Variants in GGNBP2 observed in about 807,000 individuals in gnomAD.
The protein encoded by GGNBP2 is gametogenetin-binding protein 2.
Under a neutral mutation model 85.9 loss-of-function variants are expected in GGNBP2, and 10 were observed. The ratio of observed to expected loss-of-function variants is 0.12; its 90% CI spans 0.07 to 0.20. The LOEUF (loss-of-function observed/expected upper bound fraction) is 0.20. Ranked by LOEUF, GGNBP2 falls within the 10% of genes least tolerant of loss-of-function variation. The probability of loss-of-function intolerance (pLI) is 1.00; values close to 1 mark genes in which losing one functional copy is unlikely to be tolerated. For missense variants in GGNBP2, 595 were observed against 857.8 expected (o/e 0.69, Z 3.83); for synonymous variants, 287 against 285.7 (o/e 1.00, Z -0.05).
chr17:36,576,629 G>GTGTGTGTGTGTGTA (rs1203227585), intron 6 of GGNBP2: 57 of 111,056 alleles, frequency 5.1e-4, no homozygotes, highest in African/African-American at 2.1e-3. Context: ...GTGTGTGTGT[G>GTGTGTGTGTGTGTA]TATATGTATA....
chr17:36,553,341 T>C (rs1294532438), intron 2 of GGNBP2, among the ~76,000 whole-genome samples: 1 of 152,228 alleles, frequency 6.6e-6, no homozygotes. Flanking sequence ...TTTGTCTCTG[T>C]ACTTCATATA....
At chr17:36,571,220 T>C (rs922530580) in intron 6 of GGNBP2, among the ~76,000 whole-genome samples, 2 of 151,990 alleles carry the variant, frequency 1.3e-5, no homozygotes, top group Non-Finnish European at 2.9e-5. Context: ...ATCACTTGAG[T>C]TCAGGAGTTC....
At chr17:36,559,413 C>T (rs1036042839) in intron 4 of GGNBP2, among the ~76,000 whole-genome samples, 3 of 149,872 alleles carry the variant, frequency 2.0e-5, no homozygotes, top group African/African-American at 7.4e-5. Flanking sequence ...TTTGAGATAG[C>T]GATTAGACAT....
At chr17:36,579,919 A>G (rs1038679703) in intron 8 of GGNBP2, among the ~76,000 whole-genome samples, 1 of 152,118 alleles carries the variant, frequency 6.6e-6, no homozygotes, top group Non-Finnish European at 1.5e-5. Context: ...CTGAGACAGG[A>G]GAGTTGCTTC....
intron 2 of GGNBP2, among the ~76,000 whole-genome samples, chr17:36,552,989 TC>T: frequency 7.7e-6 from 1 of 129,766 alleles, no homozygotes; most frequent in Middle Eastern, 6.8e-3. Flanking sequence ...GCCACTGCAC[TC>T]CAGCCTGGGT....
intron 1 of GGNBP2, 68 bp from the exon 2 acceptor site, chr17:36,545,551 C>T (rs1286883112): frequency 6.9e-6 from 4 of 581,908 alleles, no homozygotes; most frequent in Admixed American, 6.1e-5. Flanking sequence ...CGCTCCGCTC[C>T]CTGCCCCCCG....
intron 8 of GGNBP2, among the ~76,000 whole-genome samples, chr17:36,581,142 G>A (rs12939690): frequency 6.6e-6 from 1 of 151,560 alleles, no homozygotes; most frequent in Admixed American, 6.6e-5. Context: ...AAAATTAGCC[G>A]GGCGTGGTGG....
intron 4 of GGNBP2, among the ~76,000 whole-genome samples, chr17:36,559,296 C>CA (rs892895973): frequency 0.043 from 1,327 of 30,658 alleles, 28 homozygotes; most frequent in African/African-American, 0.055. Context: ...GACTCTGTCT[C>CA]AAAAAAAAAA....
chr17:36,546,549 A>G (rs2142661459), intron 2 of GGNBP2: 2 of 152,114 alleles, frequency 1.3e-5, no homozygotes, highest in South Asian at 4.1e-4. Flanking sequence ...TTTATTCTTT[A>G]GATTTGGTAG....
In GGNBP2 at chr17:36,585,376, T is replaced by C. The variant is rs2074690590; in HGVS notation, c.1292T>C (p.Ile431Thr). 6.2e-6 allele frequency: 10 copies of C among 1,612,476 alleles called. No homozygotes were observed. The highest frequency in any genetic ancestry group is 8.5e-6 in the Non-Finnish European group (10 of 1,178,668). ...GATGGTAATACTTGTGTAGAAGTAA[T>C]TGTTACCAATGAAAATACATCATGT... ...TEDGNTCVEV[I>T]VTNENTSCTC... The change falls in exon 10 of 14, where the codon ATT becomes ACT. Residue 431 changes from isoleucine to threonine, a missense_variant. Ile to Thr is a moderately conservative substitution (Grantham distance 89). Transcript: ENST00000613102.
At chr17:36,558,961 T>A (rs2074390342) in intron 4 of GGNBP2, among the ~76,000 whole-genome samples, 1 of 151,920 alleles carries the variant, frequency 6.6e-6, no homozygotes, top group Non-Finnish European at 1.5e-5. Context: ...ATAGATTGGT[T>A]GTGAGGGAGG....
intron 2 of GGNBP2, among the ~76,000 whole-genome samples, chr17:36,551,209 CT>C (rs67093103): frequency 0.3 from 43,701 of 145,876 alleles, 7,662 homozygotes; most frequent in Non-Finnish European, 0.41. Context: ...TCTTTATTGA[CT>C]TTTTTTTTTT....
intron 6 of GGNBP2, among the ~76,000 whole-genome samples, chr17:36,576,453 C>G (rs1486155419): frequency 8.4e-6 from 1 of 118,622 alleles, no homozygotes; most frequent in Admixed American, 9.7e-5. Flanking sequence ...ACTCGGGAGA[C>G]TGAGGCAGGA....
At chr17:36,560,747 C>A in intron 4 of GGNBP2, 26 bp from the exon 5 acceptor site, 3 of 1,196,058 alleles carry the variant, frequency 2.5e-6, no homozygotes, top group Non-Finnish European at 3.6e-6. Flanking sequence ...TGAATTAAAC[C>A]CTTAATATGT....
At chr17:36,572,000 A>G (rs1225367390) in intron 6 of GGNBP2, among the ~76,000 whole-genome samples, 1 of 151,956 alleles carries the variant, frequency 6.6e-6, no homozygotes, top group Non-Finnish European at 1.5e-5. Context: ...GCAGTGAGCC[A>G]TGATCATGCC....
intron 6 of GGNBP2, among the ~76,000 whole-genome samples, chr17:36,573,328 G>T (rs1358723134): frequency 6.6e-6 from 1 of 152,078 alleles, no homozygotes; most frequent in Non-Finnish European, 1.5e-5. Flanking sequence ...GGTCAGGCTG[G>T]TCTTGAACTC....
chr17:36,581,906 C>T (rs920666716), intron 9 of GGNBP2: 1 of 153,406 alleles, frequency 6.5e-6, no homozygotes, highest in Non-Finnish European at 1.4e-5. Context: ...GAGACAGGGT[C>T]TCACTCTGTC....
intron 5 of GGNBP2, among the ~76,000 whole-genome samples, chr17:36,561,330 G>C (rs1194485686): frequency 6.6e-6 from 1 of 151,920 alleles, no homozygotes; most frequent in Non-Finnish European, 1.5e-5. Flanking sequence ...CACCCTATTG[G>C]CCAGGCTGGT....
intron 2 of GGNBP2, 89 bp downstream of exon 2, chr17:36,545,906 G>A (rs1567813995): frequency 1.1e-6 from 1 of 905,820 alleles, no homozygotes; most frequent in Admixed American, 2.5e-5. Flanking sequence ...CTGCGCACTG[G>A]AGAAAGAGTG....
Sources: allele counts gnomAD v4.1 joint callset (sites outside exome capture counted in the v4.1 genomes callset), GRCh38; gene constraint gnomAD v4.1.1; transcripts MANE v1.5; gene names NCBI Gene and HGNC (gene_info 2026-07-23, HGNC 2026-07-21).